Variants in RASSF3 observed in about 807,000 individuals in gnomAD.
RASSF3 encodes the protein ras association domain-containing protein 3.
A neutral mutation model predicts 19.9 loss-of-function variants in RASSF3; 19 were observed. That is an observed-to-expected ratio of 0.96 (90% CI 0.67 to 1.40). The LOEUF (loss-of-function observed/expected upper bound fraction) is 1.40. Among genes scored for constraint, RASSF3 ranks in the 40% most tolerant of loss-of-function variants. The probability of loss-of-function intolerance (pLI) is 0.00; values close to 1 mark genes in which losing one functional copy is unlikely to be tolerated. For missense variants in RASSF3, 306 were observed against 289.8 expected (o/e 1.06, Z -0.41); for synonymous variants, 110 against 104.2 (o/e 1.06, Z -0.34).
At chr12:64,611,489 G>T (rs897806369) in intron 1 of RASSF3, 3 of 152,256 alleles carry the variant, frequency 2.0e-5, no homozygotes, top group Non-Finnish European at 1.5e-5. Context: ...ACTTGTGCCA[G>T]TTTCGCCAGC....
chr12:64,600,033 CAAAAAAAAAAA>C (rs34515445), intron 2 of RASSF3, among the ~76,000 whole-genome samples: 1 of 63,986 alleles, frequency 1.6e-5, no homozygotes, highest in Admixed American at 2.0e-4. Context: ...GACTCCATCT[CAAAAAAAAAAA>C]AAAAAAAAAA....
intron 1 of RASSF3, among the ~76,000 whole-genome samples, chr12:64,683,540 G>T (rs560509285): frequency 2.2e-4 from 34 of 152,322 alleles, no homozygotes; most frequent in African/African-American, 7.5e-4. Context: ...TTGGCCTGGG[G>T]ATTTGTTTGG....
chr12:64,680,755 A>T (rs2136215702), intron 1 of RASSF3, among the ~76,000 whole-genome samples: 1 of 152,150 alleles, frequency 6.6e-6, no homozygotes, highest in Admixed American at 6.5e-5. Context: ...CTGGGACTAC[A>T]GGTGCTTGCC....
At chr12:64,588,732 C>G (rs1869859172) in intron 2 of RASSF3, among the ~76,000 whole-genome samples, 1 of 152,028 alleles carries the variant, frequency 6.6e-6, no homozygotes, top group African/African-American at 2.4e-5. Context: ...ATTGGAATCA[C>G]TCTGTATATT....
chr12:64,535,296 A>G (rs1466974286), intron 1 of RASSF3, among the ~76,000 whole-genome samples: 2 of 151,010 alleles, frequency 1.3e-5, no homozygotes, highest in Non-Finnish European at 3.0e-5. Flanking sequence ...AGCTTAGTTG[A>G]TGGAGTGAGA....
chr12:64,507,939 C>T (rs1868301952), intron 1 of RASSF3, among the ~76,000 whole-genome samples: 1 of 152,112 alleles, frequency 6.6e-6, no homozygotes, highest in African/African-American at 2.4e-5. Flanking sequence ...AGTAGATGAC[C>T]CCTCCAAGTC....
intron 2 of RASSF3, among the ~76,000 whole-genome samples, chr12:64,551,143 T>C (rs917248971): frequency 6.6e-6 from 1 of 152,136 alleles, no homozygotes; most frequent in African/African-American, 2.4e-5. Context: ...TACAGCACTT[T>C]ACAGTACCAG....
downstream of RASSF3, among the ~76,000 whole-genome samples, chr12:64,543,435 C>T (rs1156336516): frequency 1.7e-5 from 1 of 57,626 alleles, no homozygotes; most frequent in South Asian, 7.8e-4. Flanking sequence ...CCCCGCCCGC[C>T]CCCCCCGTGC....
intron 2 of RASSF3, 88 bp from the exon 3 acceptor site, chr12:64,688,128 T>C: frequency 1.1e-6 from 1 of 886,928 alleles, no homozygotes; most frequent in Non-Finnish European, 1.9e-6. Flanking sequence ...CAAAGGAGTG[T>C]TTCACCTTCC....
At chr12:64,632,705 G>T (rs932936731) in intron 1 of RASSF3, among the ~76,000 whole-genome samples, 22 of 152,076 alleles carry the variant, frequency 1.4e-4, no homozygotes, top group African/African-American at 5.3e-4. Flanking sequence ...GGAACAACTC[G>T]GTTTTAGGGC....
chr12:64,642,832 G>C (rs1871590854), intron 1 of RASSF3, among the ~76,000 whole-genome samples: 1 of 150,912 alleles, frequency 6.6e-6, no homozygotes, highest in Non-Finnish European at 1.5e-5. Flanking sequence ...CTGCCACTTA[G>C]AACTTTATGA....
At chr12:64,624,156 A>G (rs925455187) in intron 1 of RASSF3, among the ~76,000 whole-genome samples, 3 of 151,938 alleles carry the variant, frequency 2.0e-5, no homozygotes, top group African/African-American at 7.3e-5. Flanking sequence ...AGTACGTTTC[A>G]TAAAGGCAAA....
chr12:64,529,567 A>G (rs948989095), upstream of RASSF3, among the ~76,000 whole-genome samples: 3 of 152,162 alleles, frequency 2.0e-5, no homozygotes, highest in African/African-American at 7.2e-5. Context: ...CTTTCCTGGC[A>G]ATGGTGCCGT....
intron 1 of RASSF3, among the ~76,000 whole-genome samples, chr12:64,638,394 T>C (rs1040434118): frequency 2.0e-4 from 30 of 151,932 alleles, no homozygotes; most frequent in East Asian, 5.9e-4. Flanking sequence ...TCCTGGCTAA[T>C]ACGGTGAAAC....
chr12:64,604,498 G>A (rs1202977188), intron 2 of RASSF3, among the ~76,000 whole-genome samples: 1 of 151,918 alleles, frequency 6.6e-6, no homozygotes, highest in Non-Finnish European at 1.5e-5. Context: ...ATTTATTCCT[G>A]TCATTGCCAT....
At chr12:64,594,013 A>G (rs1301958833) in intron 2 of RASSF3, among the ~76,000 whole-genome samples, 1 of 10,298 alleles carries the variant, frequency 9.7e-5, no homozygotes, top group South Asian at 5.5e-3. Context: ...CTCTGTCTCA[A>G]AAAAAAAAAA....
intron 1 of RASSF3, among the ~76,000 whole-genome samples, chr12:64,649,394 G>A (rs1321942197): frequency 3.3e-5 from 5 of 151,630 alleles, no homozygotes; most frequent in Admixed American, 6.6e-5. Flanking sequence ...GGGTTTCACC[G>A]TGTTAGCCAG....
downstream of RASSF3, among the ~76,000 whole-genome samples, chr12:64,543,493 A>G (rs1198618916): frequency 7.8e-5 from 1 of 12,800 alleles, no homozygotes; most frequent in Admixed American, 8.9e-4. Flanking sequence ...CCACTCCCCC[A>G]CTCCCCCACA....
chr12:64,562,044 G>A (rs1480417940), intron 2 of RASSF3, among the ~76,000 whole-genome samples: 1 of 126,270 alleles, frequency 7.9e-6, no homozygotes, highest in Non-Finnish European at 1.9e-5. Context: ...TTGAGACAGA[G>A]TCTTGCTCTG....
Sources: gnomAD v4.1 joint callset for allele counts (sites outside exome capture counted in the v4.1 genomes callset) on GRCh38, gnomAD v4.1.1 for gene constraint, MANE v1.5 for transcripts, NCBI Gene and HGNC (gene_info 2026-07-23, HGNC 2026-07-21) for gene names.